Variants in MRPL47 observed in about 807,000 individuals in gnomAD.
MRPL47 encodes the protein mitochondrial ribosomal protein L47.
MRPL47 carries 31 observed loss-of-function variants against 34.0 expected under a neutral mutation model. That is an observed-to-expected ratio of 0.91 (90% CI 0.68 to 1.23). The LOEUF is 1.23. MRPL47 is among the 50% of genes most tolerant of loss of function. The probability of loss-of-function intolerance (pLI) is 0.00; values close to 1 mark genes in which losing one functional copy is unlikely to be tolerated. For synonymous variants in MRPL47, 106 were observed against 101.6 expected, an observed-to-expected ratio of 1.04 and a Z score of -0.26; for missense variants, 328 against 285.8, an observed-to-expected ratio of 1.15 and a Z score of -1.07.
intron 3 of MRPL47, among the ~76,000 whole-genome samples, chr3:179,599,987 T>G (rs4635704): frequency 0.091 from 13,800 of 151,606 alleles, 679 homozygotes; most frequent in South Asian, 0.17. Context: ...TAGCTGGGCA[T>G]GGTGGTGCGT....
At chr3:179,602,613 C>T in intron 2 of MRPL47, 39 bp downstream of exon 2, 1 of 1,304,652 alleles carries the variant, frequency 7.7e-7, no homozygotes, top group Non-Finnish European at 1.1e-6. Flanking sequence ...GGGGGGGTTC[C>T]ATAAATATAT....
chr3:179,600,995 T>A (rs1396203193), intron 3 of MRPL47, among the ~76,000 whole-genome samples: 4 of 152,220 alleles, frequency 2.6e-5, no homozygotes, highest in Non-Finnish European at 5.9e-5. Flanking sequence ...CCCTAATTCA[T>A]CAGAGCCTGC....
Position 179,604,542 on chromosome 3 carries a change from A to G in MRPL47, c.83T>C (p.Val28Ala), listed in dbSNP as rs1369465316. The G allele has an allele frequency of 6.2e-7, 1 of 1,614,166 alleles. No individual in the cohort carries two copies. Among genetic ancestry groups the G allele is most frequent in the East Asian group, 2.2e-5 (1 of 44,886 alleles). The change falls in exon 1 of 7, where the codon GTC becomes GCC. Residue 28 changes from valine (V) to alanine (A), a missense_variant. Transcript: ENST00000476781. ...CATCACTTACCCTGTGCAGGCAGGGACCTGAGGAGTTATTAACGATCGGGA... is the reference window on the plus strand; with the variant it reads ...CATCACTTACCCTGTGCAGGCAGGGGCCTGAGGAGTTATTAACGATCGGGA... ...KSSRSLITPQ[V>A]PACTGFFLSL...
At position 179,598,685 on chromosome 3, in the gene MRPL47, C is replaced by G. The variant is rs1313455699; in HGVS notation, c.392G>C (p.Arg131Pro). The part of the protein sequence containing the change: ...RQRLPMPSPE[R>P]LDKVVDSMDA... ...TCTCCCAATCCTTACCTTATCTAAC[C>G]GCTCTGGACTTGGCATTGGCAATCT... The change falls in exon 4 of 7, where the codon CGG becomes CCG. Residue 131 changes from arginine to proline, a missense_variant. Arg to Pro is a moderately radical substitution (Grantham distance 103). Coordinates refer to ENST00000476781, the MANE Select transcript of MRPL47 (RefSeq NM_020409.3). The G allele has an allele frequency of 1.9e-6, 3 of 1,609,960 alleles. No homozygotes were observed. Among genetic ancestry groups the G allele is most frequent in the Non-Finnish European group, 2.6e-6 (3 of 1,176,436 alleles).
intron 4 of MRPL47, among the ~76,000 whole-genome samples, chr3:179,596,064 T>TA (rs1191422908): frequency 2.6e-5 from 4 of 152,254 alleles, no homozygotes; most frequent in Admixed American, 2.6e-4. Flanking sequence ...TAGATACTAA[T>TA]ACTCTGAAGA....
intron 4 of MRPL47, among the ~76,000 whole-genome samples, chr3:179,598,264 G>A (rs1208398405): frequency 6.6e-6 from 1 of 151,956 alleles, no homozygotes; most frequent in East Asian, 1.9e-4. Flanking sequence ...GTATGTGCCT[G>A]TAATCCCAGC....
intron 4 of MRPL47, among the ~76,000 whole-genome samples, chr3:179,597,195 A>G (rs1406483181): frequency 6.6e-6 from 1 of 152,210 alleles, no homozygotes; most frequent in East Asian, 1.9e-4. Context: ...AATAAAGATA[A>G]AAGAAAAAAA....
chr3:179,592,622 T>C, intron 6 of MRPL47, 22 bp downstream of exon 6: 1 of 1,436,244 alleles, frequency 7.0e-7, no homozygotes, highest in South Asian at 1.1e-5. Context: ...TAATATGTTT[T>C]ATTAAAGGTG....
intron 4 of MRPL47, among the ~76,000 whole-genome samples, chr3:179,595,258 G>A (rs572196859): frequency 5.8e-4 from 88 of 152,106 alleles, no homozygotes; most frequent in Middle Eastern, 3.4e-3. Context: ...ATGTAGCCCA[G>A]GCTGGTCTCA....
rs115325429 is a variant in MRPL47 at position 179,598,587 on chromosome 3, T to C, written c.402+88A>G. The C allele has an allele frequency of 1.4e-3, 1,218 of 856,566 alleles. 7 individuals are homozygous for C. In the African/African-American group the frequency reaches 0.018, roughly 12 times the overall value. 53.1% of individuals were successfully genotyped at this position (856,566 alleles called of 1,614,324 possible). ...AAATCAAACGAATAAGAAAAAAAAA[T>C]CTATTTGACAAGAAATACAGGAACC... On this transcript the variant is annotated intron_variant, in intron 4 of 6. Coordinates refer to ENST00000476781, the MANE Select transcript of MRPL47 (RefSeq NM_020409.3).
intron 1 of MRPL47, among the ~76,000 whole-genome samples, chr3:179,603,169 A>G (rs1487141032): frequency 6.6e-6 from 1 of 152,236 alleles, no homozygotes; most frequent in Non-Finnish European, 1.5e-5. Flanking sequence ...ACACAATTAT[A>G]TTTTAAGGTA....
rs986354713 is a variant in MRPL47, at chr3:179,588,536, T to G, written c.*336A>C. ...CTTCATAGCCTATTAACAACAGAGG[T>G]AAAACTATTATTCAAATTCAAAAAC... On this transcript the variant is annotated 3_prime_UTR_variant, in exon 7 of 7. Transcript: ENST00000476781. The G allele has an allele frequency of 5.0e-6, 1 of 198,078 alleles. No homozygotes were observed. Among genetic ancestry groups the G allele is most frequent in the Non-Finnish European group, 1.0e-5 (1 of 96,512 alleles). The allele number at this position is 198,078 out of a possible 1,614,324, so 12.3% of individuals were successfully genotyped here.
chr3:179,601,309 G>C (rs1235090063), intron 3 of MRPL47, among the ~76,000 whole-genome samples: 1 of 152,154 alleles, frequency 6.6e-6, no homozygotes, highest in Non-Finnish European at 1.5e-5. Flanking sequence ...TCAGGAGGCT[G>C]AGGTGGGGGA....
chr3:179,591,894 G>A (rs1340909805), intron 6 of MRPL47, among the ~76,000 whole-genome samples: 1 of 151,940 alleles, frequency 6.6e-6, no homozygotes, highest in Non-Finnish European at 1.5e-5. Context: ...GTGCAGTGGT[G>A]CAATCTCAGC....
intron 4 of MRPL47, among the ~76,000 whole-genome samples, chr3:179,597,454 A>G (rs939588895): frequency 9.2e-5 from 14 of 152,282 alleles, no homozygotes; most frequent in African/African-American, 3.1e-4. Flanking sequence ...TATGCCACAG[A>G]AAAAAATCAA....
chr3:179,598,663 C>T lies in MRPL47; in HGVS notation c.402+12G>A, dbSNP rs754560821. On this transcript the variant is annotated intron_variant, in intron 4 of 6. Coordinates refer to ENST00000476781, the MANE Select transcript of MRPL47 (RefSeq NM_020409.3). The stretch of plus-strand genomic sequence containing the variant: ...TCATGTATACCAGTCTCCAGCCTCT[C>T]CCAATCCTTACCTTATCTAACCGCT... The T allele has an allele frequency of 5.7e-6, 9 of 1,567,812 alleles. No individual in the cohort carries two copies. The African/African-American group carries it at 9.5e-5, about 17-fold the overall frequency.
chr3:179,599,160 C>T (rs1395151066), intron 3 of MRPL47, among the ~76,000 whole-genome samples: 3 of 147,002 alleles, frequency 2.0e-5, no homozygotes, highest in Non-Finnish European at 4.5e-5. Flanking sequence ...AAAGTGAGAT[C>T]TTGCTTCAAA....
chr3:179,602,100 T>G (rs1252944580), intron 2 of MRPL47, among the ~76,000 whole-genome samples: 2 of 152,318 alleles, frequency 1.3e-5, no homozygotes, highest in Non-Finnish European at 2.9e-5. Flanking sequence ...TCCCAACGCT[T>G]TGGGAGGCCA....
chr3:179,604,626 T>G lies in MRPL47; in HGVS notation c.-2A>C. On this transcript the variant is annotated 5_prime_UTR_variant, in exon 1 of 7. Transcript: ENST00000476781. ...AAGGGCCAAACCGGCCGCAGCCATG[T>G]TTTCGCATAACTGGCAAAACGCGTT... 1 of 1,614,140 alleles carries G rather than the reference T, an allele frequency of 6.2e-7. No homozygotes were observed. Among genetic ancestry groups the G allele is most frequent in the Non-Finnish European group, 8.5e-7 (1 of 1,180,024 alleles).
Sources: allele counts gnomAD v4.1 joint callset (sites outside exome capture counted in the v4.1 genomes callset), GRCh38; gene constraint gnomAD v4.1.1; transcripts MANE v1.5; gene names NCBI Gene and HGNC (gene_info 2026-07-23, HGNC 2026-07-21).